The following CPXM2 variants were observed in gnomAD, a reference collection of about 807,000 sequenced individuals.
The protein encoded by CPXM2 is inactive carboxypeptidase-like protein X2.
CPXM2 carries 66 observed loss-of-function variants against 86.1 expected under a neutral mutation model. The ratio of observed to expected loss-of-function variants is 0.77; its 90% CI spans 0.63 to 0.94. The LOEUF (loss-of-function observed/expected upper bound fraction) is 0.94, where lower values mean the gene tolerates loss of function less well. Ranked by LOEUF, CPXM2 falls within the 40% of genes least tolerant of loss-of-function variation. The pLI is 0.00. For synonymous variants in CPXM2, 388 were observed against 400.2 expected, an observed-to-expected ratio of 0.97 and a Z score of 0.36; for missense variants, 948 against 1,026.3, an observed-to-expected ratio of 0.92 and a Z score of 1.04.
At chr10:123,825,015 C>T (rs906700887) in intron 4 of CPXM2, among the ~76,000 whole-genome samples, 2 of 152,126 alleles carry the variant, frequency 1.3e-5, no homozygotes, top group Non-Finnish European at 2.9e-5. Context: ...TCAAAATTAC[C>T]CAACATGGCT....
In CPXM2 at chr10:123,891,732, T is replaced by G; in HGVS notation, c.-73A>C. On this transcript the variant is annotated 5_prime_UTR_variant, in exon 1 of 14. Transcript: ENST00000241305. The surrounding 1 kb of genome is among the most constrained non-coding windows in gnomAD (Gnocchi z 5.6). ...CCGGGCGGGCTGCGGGCGCAGAAGCTGGCGCGGGGCAAGGGCGCAGGGCAC... is the reference window on the plus strand; with the variant it reads ...CCGGGCGGGCTGCGGGCGCAGAAGCGGGCGCGGGGCAAGGGCGCAGGGCAC... 8.4e-7 allele frequency: 1 copy of G among 1,192,910 alleles called. No homozygotes were observed. The highest frequency in any genetic ancestry group is 1.1e-6 in the Non-Finnish European group (1 of 931,034). 73.9% of individuals were successfully genotyped at this position (1,192,910 alleles called of 1,614,324 possible).
At chr10:123,758,149 C>T (rs1268052239) in intron 11 of CPXM2, among the ~76,000 whole-genome samples, 1 of 152,186 alleles carries the variant, frequency 6.6e-6, no homozygotes, top group Non-Finnish European at 1.5e-5. Context: ...CAGGAAGCCC[C>T]AGCCTAATGT....
intron 4 of CPXM2, among the ~76,000 whole-genome samples, chr10:123,815,595 C>A (rs942972371): frequency 1.3e-5 from 2 of 152,162 alleles, no homozygotes; most frequent in African/African-American, 4.8e-5. Flanking sequence ...GCCTTTCAAC[C>A]TTTGTCTGAG....
At chr10:123,899,305 G>A (rs976753781) in intron 2 of CPXM2, among the ~76,000 whole-genome samples, 12 of 138,064 alleles carry the variant, frequency 8.7e-5, no homozygotes, top group East Asian at 2.5e-4. Flanking sequence ...GTATAATTAA[G>A]TAGGCTTTAT....
chr10:123,806,440 C>A (rs1348638994), intron 4 of CPXM2, among the ~76,000 whole-genome samples: 1 of 152,092 alleles, frequency 6.6e-6, no homozygotes, highest in East Asian at 1.9e-4. Flanking sequence ...TGTTTACTAA[C>A]TACATAAGCT....
At chr10:123,783,359 G>A (rs1039227185) in intron 6 of CPXM2, among the ~76,000 whole-genome samples, 14 of 152,290 alleles carry the variant, frequency 9.2e-5, no homozygotes, top group East Asian at 3.9e-4. Flanking sequence ...ACCCCTTTCC[G>A]GTAACACTCA....
chr10:123,787,961 C>T (rs1847106304), intron 6 of CPXM2, among the ~76,000 whole-genome samples: 1 of 151,962 alleles, frequency 6.6e-6, no homozygotes, highest in Admixed American at 6.6e-5. Context: ...CCCCCAGTTC[C>T]CCACTTCCTA....
At chr10:123,850,167 A>G (rs1457763652) in intron 3 of CPXM2, among the ~76,000 whole-genome samples, 1 of 152,248 alleles carries the variant, frequency 6.6e-6, no homozygotes, top group African/African-American at 2.4e-5. Context: ...AAAAAATGAC[A>G]TGATATATCT....
At chr10:123,774,918 C>G (rs1846745071) in intron 7 of CPXM2, among the ~76,000 whole-genome samples, 1 of 152,172 alleles carries the variant, frequency 6.6e-6, no homozygotes. Flanking sequence ...AATAACGTCA[C>G]CAATTGTGTT....
chr10:123,838,288 C>T (rs1197679879), intron 4 of CPXM2, among the ~76,000 whole-genome samples: 4 of 152,060 alleles, frequency 2.6e-5, no homozygotes, highest in Non-Finnish European at 5.9e-5. Context: ...TGGTGAAACC[C>T]TGTGTCGACT....
At chr10:123,843,432 ATTT>A (rs5788632) in intron 3 of CPXM2, among the ~76,000 whole-genome samples, 9 of 126,382 alleles carry the variant, frequency 7.1e-5, no homozygotes, top group African/African-American at 1.8e-4. Flanking sequence ...TCACAGAGCT[ATTT>A]TTTTTTTTTT....
intron 2 of CPXM2, among the ~76,000 whole-genome samples, chr10:123,922,247 C>T (rs1945584662): frequency 1.4e-5 from 1 of 73,306 alleles, no homozygotes; most frequent in Non-Finnish European, 2.6e-5. Flanking sequence ...AACCATCATC[C>T]TACCCATTTT....
At chr10:123,911,093 C>G (rs775972146) in intron 2 of CPXM2, among the ~76,000 whole-genome samples, 1 of 152,204 alleles carries the variant, frequency 6.6e-6, no homozygotes, top group Non-Finnish European at 1.5e-5. Context: ...ATTAAACCTG[C>G]AAAGACCCTA....
chr10:123,757,412 G>A (rs1254010571), intron 11 of CPXM2, 60 bp from the exon 12 acceptor site: 7 of 1,400,266 alleles, frequency 5.0e-6, no homozygotes, highest in Non-Finnish European at 7.1e-6. Context: ...ACTGGGGAAT[G>A]CGGCACAGCG....
chr10:123,792,944 AC>A (rs1413084925), intron 6 of CPXM2, among the ~76,000 whole-genome samples: 1 of 152,164 alleles, frequency 6.6e-6, no homozygotes, highest in Non-Finnish European at 1.5e-5. Flanking sequence ...GTGGGCAGCC[AC>A]CCCAGAGCCC....
intron 2 of CPXM2, among the ~76,000 whole-genome samples, chr10:123,910,415 A>G (rs572163087): frequency 3.3e-5 from 5 of 152,184 alleles, no homozygotes; most frequent in Non-Finnish European, 7.4e-5. Context: ...CATCAAACCT[A>G]GTATCACTCC....
At chr10:123,838,210 C>T (rs530281478) in intron 4 of CPXM2, among the ~76,000 whole-genome samples, 1 of 152,264 alleles carries the variant, frequency 6.6e-6, no homozygotes, top group East Asian at 1.9e-4. Flanking sequence ...GCCTGCAATC[C>T]CAGCACTTTG....
chr10:123,801,912 T>C (rs1404099694), intron 4 of CPXM2, among the ~76,000 whole-genome samples: 1 of 152,248 alleles, frequency 6.6e-6, no homozygotes, highest in Non-Finnish European at 1.5e-5. Flanking sequence ...GTCTTAACCC[T>C]TCAATCTAGC....
intron 1 of CPXM2, among the ~76,000 whole-genome samples, chr10:123,882,396 G>A (rs751813566): frequency 1.3e-5 from 2 of 152,172 alleles, no homozygotes; most frequent in South Asian, 4.1e-4. Flanking sequence ...CATCCCGGCT[G>A]GTGGGAAAAC....
Sources: gnomAD v4.1 joint callset for allele counts (sites outside exome capture counted in the v4.1 genomes callset) on GRCh38, gnomAD v4.1.1 for gene constraint, Gnocchi (gnomAD v3.1) non-coding constraint, MANE v1.5 for transcripts, NCBI Gene and HGNC (gene_info 2026-07-23, HGNC 2026-07-21) for gene names.